Variants in MVB12B observed in about 807,000 individuals in gnomAD.
MVB12B encodes the protein multivesicular body subunit 12B.
In MVB12B, 16 loss-of-function variants were observed where a neutral mutation model predicts 41.6. The ratio of observed to expected loss-of-function variants is 0.38; its 90% confidence interval spans 0.26 to 0.58. The LOEUF (loss-of-function observed/expected upper bound fraction) is 0.58, where lower values mean the gene tolerates loss of function less well. MVB12B is among the 20% of genes least tolerant of loss of function. The pLI is 0.62. For missense variants in MVB12B, 274 were observed against 380.2 expected (o/e 0.72, Z 2.32); for synonymous variants, 133 against 139.7 (o/e 0.95, Z 0.34).
At chr9:126,338,294 C>G (rs1047575049) in intron 1 of MVB12B, among the ~76,000 whole-genome samples, 1 of 152,218 alleles carries the variant, frequency 6.6e-6, no homozygotes, top group Non-Finnish European at 1.5e-5. Context: ...GGGGGCCGCC[C>G]GCAGCCATCT....
intron 6 of MVB12B, chr9:126,396,719 C>G (rs566831932): frequency 1.0e-6 from 1 of 985,454 alleles, no homozygotes; most frequent in African/African-American, 1.7e-5. Flanking sequence ...ACAATCTGGT[C>G]CTTCTCATGA....
Position 126,376,978 on chromosome 9 carries a change from C to G in MVB12B, c.205-4086C>G, listed in dbSNP as rs543271620. Among the ~76,000 whole-genome samples the G allele has an allele frequency of 6.6e-6, 1 of 151,660 alleles. No homozygotes were observed. Among genetic ancestry groups the G allele is most frequent in the African/African-American group, 2.4e-5 (1 of 41,246 alleles). On this transcript the variant is annotated intron_variant, in intron 2 of 9. Coordinates refer to ENST00000361171, the MANE Select transcript of MVB12B (RefSeq NM_033446.3). This position sits in a 1 kb window ranked among gnomAD's most constrained non-coding sequence, Gnocchi z 4.1. ...GGGCTCTGCTCAGTATCGGCTGCCA[C>G]GGGCCCCTTAGGTCACAACCCGCCC...
In MVB12B at chr9:126,480,022, G is replaced by A. The variant is rs948113358; in HGVS notation, c.758-1347G>A. Among the ~76,000 whole-genome samples, 6 of 152,148 alleles carry A rather than the reference G, an allele frequency of 3.9e-5. No homozygotes were observed. Among genetic ancestry groups the A allele is most frequent in the Admixed American group, 6.5e-5 (1 of 15,278 alleles). On this transcript the variant is annotated intron_variant, in intron 7 of 9. Transcript: ENST00000361171. The surrounding 1 kb of genome is among the most constrained non-coding windows in gnomAD (Gnocchi z 4.9). ...GAAAGAAAAAATATGACCACTGAAG[G>A]TTCCAGAGAAGTCATCATTCCAGGA...
At chr9:126,359,961 T>C (rs1829985349) in intron 2 of MVB12B, among the ~76,000 whole-genome samples, 1 of 152,164 alleles carries the variant, frequency 6.6e-6, no homozygotes, top group Non-Finnish European at 1.5e-5. Context: ...TTTTAAAATT[T>C]TTTCTTCTGC....
intron 6 of MVB12B, among the ~76,000 whole-genome samples, chr9:126,400,253 G>T (rs564437261): frequency 1.3e-5 from 2 of 152,332 alleles, no homozygotes; most frequent in East Asian, 3.9e-4. Flanking sequence ...GGATGGAGGG[G>T]TGGAGAGATG....
intron 2 of MVB12B, among the ~76,000 whole-genome samples, chr9:126,375,867 C>T (rs947442201): frequency 2.0e-5 from 3 of 152,128 alleles, no homozygotes; most frequent in Admixed American, 6.5e-5. Context: ...ACATGATTCC[C>T]GTCCCTTTGT....
At chr9:126,475,940 C>T (rs546482052) in intron 7 of MVB12B, among the ~76,000 whole-genome samples, 10 of 152,194 alleles carry the variant, frequency 6.6e-5, no homozygotes, top group African/African-American at 1.2e-4. Context: ...AACTCTCAGA[C>T]GGTGGTGGTC....
At chr9:126,485,452 C>T (rs1332306069) in intron 9 of MVB12B, among the ~76,000 whole-genome samples, 3 of 68,854 alleles carry the variant, frequency 4.4e-5, no homozygotes, top group East Asian at 1.2e-3. Flanking sequence ...GTCAGGGTAC[C>T]GTCCACTGTG....
intron 2 of MVB12B, among the ~76,000 whole-genome samples, chr9:126,375,282 C>T (rs1002863576): frequency 6.7e-6 from 1 of 149,146 alleles, no homozygotes; most frequent in Admixed American, 6.7e-5. Context: ...AGACTTGTTT[C>T]ATTCATTTGA....
intron 7 of MVB12B, among the ~76,000 whole-genome samples, chr9:126,437,879 T>A (rs1176388506): frequency 6.6e-6 from 1 of 151,854 alleles, no homozygotes; most frequent in African/African-American, 2.4e-5. Flanking sequence ...TAAAATTAAA[T>A]TTTTTATAGC....
At chr9:126,453,319 G>A (rs1832917549) in intron 7 of MVB12B, among the ~76,000 whole-genome samples, 1 of 152,134 alleles carries the variant, frequency 6.6e-6, no homozygotes, top group South Asian at 2.1e-4. Flanking sequence ...AGCAGGGGAG[G>A]GGTGAAAGGT....
chr9:126,436,008 C>T lies in MVB12B; in HGVS notation c.757+14060C>T, dbSNP rs1169368744. On this transcript the variant is annotated intron_variant, in intron 7 of 9. Transcript: ENST00000361171. This position sits in a 1 kb window ranked among gnomAD's most constrained non-coding sequence, Gnocchi z 4.1. ...ATCAGAGGTTAGTCATTTATTTTTGCAAACTATTGTTTTGATTCATCATTT... is the reference window on the plus strand; with the variant it reads ...ATCAGAGGTTAGTCATTTATTTTTGTAAACTATTGTTTTGATTCATCATTT... 1.3e-5 allele frequency among the ~76,000 whole-genome samples: 2 copies of T among 152,180 alleles called. No individual in the cohort carries two copies. The highest frequency in any genetic ancestry group is 4.8e-5 in the African/African-American group (2 of 41,446).
intron 6 of MVB12B, 112 bp from the exon 7 acceptor site, chr9:126,421,742 C>T (rs1832026184): frequency 1.8e-5 from 14 of 794,324 alleles, no homozygotes; most frequent in Non-Finnish European, 2.9e-5. Context: ...CCAGAAGCAC[C>T]TGCTCTGCCC....
At position 126,340,513 on chromosome 9, in the gene MVB12B, G is replaced by A. The variant is rs745421121; in HGVS notation, c.87G>A (p.Gln29=). The change falls in exon 2 of 10, where the codon CAG becomes CAA. Residue 29 remains glutamine, a synonymous_variant. Transcript: ENST00000361171. The surrounding 1 kb of genome is among the most constrained non-coding windows in gnomAD (Gnocchi z 4.0). ...TTTTTCCTTTGCTGAACCAGGACCAGTCCACCATGCCTGAAGTCAAAGACC... is the reference window on the plus strand; with the variant it reads ...TTTTTCCTTTGCTGAACCAGGACCAATCCACCATGCCTGAAGTCAAAGACC... The part of the protein sequence containing the change: ...PPPPPQRGTD[Q]STMPEVKDLS... The A allele has an allele frequency of 2.8e-5, 45 of 1,613,964 alleles. No individual in the cohort carries two copies. The East Asian group carries it at 9.4e-4, about 34-fold the overall frequency.
chr9:126,416,610 C>T (rs73595681), intron 6 of MVB12B, among the ~76,000 whole-genome samples: 1 of 152,146 alleles, frequency 6.6e-6, no homozygotes, highest in African/African-American at 2.4e-5. Flanking sequence ...GATAGTGAAG[C>T]TGAATCGGGG....
intron 2 of MVB12B, among the ~76,000 whole-genome samples, chr9:126,355,769 T>G (rs1588100309): frequency 6.6e-6 from 1 of 152,318 alleles, no homozygotes. Flanking sequence ...AGTTAGCAAA[T>G]TGTTGATTTT....
chr9:126,415,542 G>C (rs998830352), intron 6 of MVB12B, among the ~76,000 whole-genome samples: 6 of 152,142 alleles, frequency 3.9e-5, no homozygotes, highest in Admixed American at 3.9e-4. Flanking sequence ...TAAAAATATC[G>C]TGAATCAGAA....
intron 6 of MVB12B, among the ~76,000 whole-genome samples, chr9:126,410,803 C>G (rs529006001): frequency 2.0e-4 from 31 of 152,262 alleles, no homozygotes; most frequent in Admixed American, 1.1e-3. Flanking sequence ...ACCATGGCTC[C>G]CATGTCCCTG....
intron 7 of MVB12B, among the ~76,000 whole-genome samples, chr9:126,455,142 C>T (rs1832955907): frequency 6.6e-6 from 1 of 152,170 alleles, no homozygotes; most frequent in Admixed American, 6.5e-5. Context: ...ACCCTGCGAG[C>T]TGGCTAGAGG....
Sources: allele counts gnomAD v4.1 joint callset (sites outside exome capture counted in the v4.1 genomes callset), GRCh38; gene constraint gnomAD v4.1.1; non-coding constraint Gnocchi (gnomAD v3.1); transcripts MANE v1.5; gene names NCBI Gene and HGNC (gene_info 2026-07-23, HGNC 2026-07-21).